TAF3: variants seen among roughly 807,000 people sequenced by gnomAD.
TAF3 encodes TATA-box binding protein associated factor 3, also known as transcription initiation factor TFIID subunit 3.
Under a neutral mutation model 80.6 loss-of-function variants are expected in TAF3, and 7 were observed. That is an observed-to-expected ratio of 0.09 (90% CI 0.05 to 0.16). The LOEUF is 0.16. Among genes scored for constraint, TAF3 ranks in the 10% least tolerant of loss-of-function variants. The pLI is 1.00. For missense variants in TAF3, 921 were observed against 1,140.2 expected (o/e 0.81, Z 2.77); for synonymous variants, 444 against 446.1 (o/e 1.00, Z 0.06).
In TAF3 at chr10:8,015,213, G is replaced by A. The variant is rs1832092921; in HGVS notation, c.*462G>A. On this transcript the variant is annotated 3_prime_UTR_variant, in exon 7 of 7. Transcript: ENST00000344293. ...GTAAGATAATCAGAATAACATAAAA[G>A]AAAACTCCAGTTGGAGTACCGGTAA... 1.3e-5 allele frequency: 2 copies of A among 152,336 alleles called. No homozygotes were observed. 9.4% of individuals were successfully genotyped at this position (152,336 alleles called of 1,614,324 possible).
At chr10:7,898,314 A>G (rs1419098901) in intron 2 of TAF3, among the ~76,000 whole-genome samples, 1 of 152,112 alleles carries the variant, frequency 6.6e-6, no homozygotes, top group African/African-American at 2.4e-5. Context: ...TGGGAGGCCA[A>G]GGTGGGTGGA....
intron 2 of TAF3, among the ~76,000 whole-genome samples, chr10:7,831,491 A>G (rs1836799669): frequency 6.6e-6 from 1 of 152,116 alleles, no homozygotes; most frequent in South Asian, 2.1e-4. Flanking sequence ...GATTACAGGC[A>G]TGTGCCACCA....
chr10:7,978,026 AT>A (rs796557302), intron 4 of TAF3, among the ~76,000 whole-genome samples: 25 of 148,356 alleles, frequency 1.7e-4, no homozygotes, highest in South Asian at 2.1e-4. Flanking sequence ...TGAAACATTG[AT>A]TTTTTTTTTT....
intron 2 of TAF3, among the ~76,000 whole-genome samples, chr10:7,963,543 CTT>C: frequency 6.7e-6 from 1 of 148,594 alleles, no homozygotes; most frequent in East Asian, 2.0e-4. Flanking sequence ...CAATAATTTC[CTT>C]TTTTTTTTAG....
At chr10:7,863,249 G>A (rs781241908) in intron 2 of TAF3, among the ~76,000 whole-genome samples, 31 of 152,012 alleles carry the variant, frequency 2.0e-4, no homozygotes, top group Non-Finnish European at 2.9e-4. Context: ...GTTTTGTACT[G>A]GGACTGCATG....
chr10:7,868,236 T>C (rs918092049), intron 2 of TAF3, among the ~76,000 whole-genome samples: 7 of 152,168 alleles, frequency 4.6e-5, no homozygotes, highest in African/African-American at 1.7e-4. Flanking sequence ...CCAACAAAAG[T>C]AATGACAAGA....
intron 2 of TAF3, among the ~76,000 whole-genome samples, chr10:7,859,429 C>T (rs1837121500): frequency 6.6e-6 from 1 of 152,110 alleles, no homozygotes; most frequent in Non-Finnish European, 1.5e-5. Flanking sequence ...CTGACATGGG[C>T]CTTTTCTTCA....
In TAF3 at chr10:7,964,916, C is replaced by G. The variant is rs773178479; in HGVS notation, c.1406C>G (p.Ser469Cys). The change falls in exon 3 of 7, where the codon TCC (serine) becomes TGC (cysteine). Residue 469 changes from serine (S) to cysteine (C), a missense_variant. By Grantham distance (112) the Ser-to-Cys change is moderately radical (BLOSUM62 -1). Coordinates refer to ENST00000344293, the MANE Select transcript of TAF3 (RefSeq NM_031923.4). The surrounding 1 kb of genome is among the most constrained non-coding windows in gnomAD (Gnocchi z 4.1). ...GATAACTCATGGACAATGGATGCCT[C>G]CATTGATGAGGTTGTACGTAAAGCA... ...SSDNSWTMDA[S>C]IDEVVRKAKL... is the part of the protein sequence containing the mutation. The G allele has an allele frequency of 1.4e-5, 22 of 1,613,976 alleles. No homozygotes were observed. Among genetic ancestry groups the G allele is most frequent in the Non-Finnish European group, 1.8e-5 (21 of 1,180,026 alleles).
intron 2 of TAF3, among the ~76,000 whole-genome samples, chr10:7,873,609 C>T (rs1376687865): frequency 3.6e-5 from 4 of 110,342 alleles, no homozygotes; most frequent in African/African-American, 1.4e-4. Context: ...GGGAAGACAT[C>T]CGAGTTCTCC....
intron 2 of TAF3, among the ~76,000 whole-genome samples, chr10:7,877,286 A>G (rs1225428926): frequency 6.6e-6 from 1 of 152,162 alleles, no homozygotes; most frequent in Non-Finnish European, 1.5e-5. Context: ...ATCATCATTA[A>G]GGACTGAGGT....
rs1274148113 is a variant in TAF3 at position 8,014,793 on chromosome 10, T to G, written c.*42T>G. On this transcript the variant is annotated 3_prime_UTR_variant, in exon 7 of 7. Transcript: ENST00000344293. The stretch of plus-strand genomic sequence containing the variant: ...GGACCAAGCGGGGTCAGCCCGGGCT[T>G]CTTCCCTGGCGCCTCTGGAAGGGAG... The G allele has an allele frequency of 6.6e-6, 10 of 1,521,324 alleles. No individual in the cohort carries two copies. The highest frequency in any genetic ancestry group is 1.2e-5 in the South Asian group (1 of 81,766). 94.2% of individuals were successfully genotyped at this position (1,521,324 alleles called of 1,614,324 possible). A position where few individuals can be genotyped will look rare whatever the true frequency, so the allele number is the denominator to read the frequency against.
intron 2 of TAF3, among the ~76,000 whole-genome samples, chr10:7,863,770 G>GATATATA (rs1837181075): frequency 2.7e-4 from 26 of 97,974 alleles, no homozygotes; most frequent in African/African-American, 9.6e-4. Context: ...TACACACATG[G>GATATATA]CACATGTCTC....
intron 2 of TAF3, among the ~76,000 whole-genome samples, chr10:7,920,364 T>A (rs920800254): frequency 1.6e-4 from 24 of 151,128 alleles, no homozygotes; most frequent in Non-Finnish European, 3.2e-4. Context: ...GCTTGGTTCA[T>A]TTGTTGAGTT....
intron 2 of TAF3, among the ~76,000 whole-genome samples, chr10:7,844,779 C>T (rs1836953104): frequency 6.6e-6 from 1 of 152,062 alleles, no homozygotes. Flanking sequence ...TTTTATTCAG[C>T]ATTATTTATG....
intron 2 of TAF3, among the ~76,000 whole-genome samples, chr10:7,858,324 A>G (rs1166704898): frequency 6.6e-6 from 1 of 152,166 alleles, no homozygotes; most frequent in African/African-American, 2.4e-5. Flanking sequence ...ATATTGTATC[A>G]TTTGGACTTG....
chr10:7,861,152 G>A (rs1450652405), intron 2 of TAF3, among the ~76,000 whole-genome samples: 1 of 152,102 alleles, frequency 6.6e-6, no homozygotes, highest in Non-Finnish European at 1.5e-5. Context: ...GTTTAGTAGA[G>A]ATTGGGTTTC....
intron 2 of TAF3, among the ~76,000 whole-genome samples, chr10:7,879,755 T>C (rs554814230): frequency 5.3e-4 from 80 of 152,374 alleles, no homozygotes; most frequent in Non-Finnish European, 1.0e-3. Context: ...TTTTAAAATA[T>C]TGTTTTGATT....
intron 5 of TAF3, among the ~76,000 whole-genome samples, chr10:8,012,816 T>C (rs954741232): frequency 1.3e-5 from 2 of 152,230 alleles, no homozygotes; most frequent in Non-Finnish European, 2.9e-5. Flanking sequence ...TCTAAAAGCA[T>C]GTCTAGTCAG....
chr10:7,898,100 C>G (rs1181808882), intron 2 of TAF3, among the ~76,000 whole-genome samples: 3 of 151,874 alleles, frequency 2.0e-5, no homozygotes, highest in African/African-American at 7.3e-5. Context: ...ATCTATCAAC[C>G]CTTCTGTATC....
Sources: allele counts gnomAD v4.1 joint callset (sites outside exome capture counted in the v4.1 genomes callset), GRCh38; gene constraint gnomAD v4.1.1; non-coding constraint Gnocchi (gnomAD v3.1); transcripts MANE v1.5; gene names NCBI Gene and HGNC (gene_info 2026-07-23, HGNC 2026-07-21).